Variants in ULK4 observed in about 807,000 individuals in gnomAD.
ULK4 encodes the protein inactive serine/threonine-protein kinase ULK4.
In ULK4, 133 loss-of-function variants were observed where a neutral mutation model predicts 160.6. That is an observed-to-expected ratio of 0.83 (90% confidence interval 0.72 to 0.96). ULK4 has a LOEUF of 0.96. Among genes scored for constraint, ULK4 ranks in the 40% least tolerant of loss-of-function variants. ULK4 has a pLI of 0.00. For missense variants in ULK4, 1,580 were observed against 1,499.5 expected (o/e 1.05, Z -0.89); for synonymous variants, 534 against 539.8 (o/e 0.99, Z 0.15).
chr3:41,534,499 A>G (rs2086425088), intron 32 of ULK4, among the ~76,000 whole-genome samples: 9 of 136,270 alleles, frequency 6.6e-5, no homozygotes, highest in Admixed American at 2.4e-4. Flanking sequence ...TTTCATTTAA[A>G]AGAGAAAATG....
At chr3:41,398,034 C>A (rs1344812271) in intron 35 of ULK4, 45 bp downstream of exon 35, 7 of 1,570,100 alleles carry the variant, frequency 4.5e-6, no homozygotes, top group Non-Finnish European at 6.0e-6. Context: ...CATGTCGCTG[C>A]CAGCAAAGCC....
chr3:41,258,996 A>C (rs2078892698), intron 35 of ULK4, among the ~76,000 whole-genome samples: 1 of 147,910 alleles, frequency 6.8e-6, no homozygotes, highest in Non-Finnish European at 1.5e-5. Flanking sequence ...ATATACATAT[A>C]TACATATGTA....
chr3:41,276,085 A>G (rs1368846109), intron 35 of ULK4, among the ~76,000 whole-genome samples: 2 of 152,226 alleles, frequency 1.3e-5, no homozygotes, highest in Admixed American at 1.3e-4. Context: ...AGAAGAGAAA[A>G]ATGAGCTAGA....
At chr3:41,662,968 C>T (rs2035230991) in intron 30 of ULK4, among the ~76,000 whole-genome samples, 1 of 151,710 alleles carries the variant, frequency 6.6e-6, no homozygotes, top group Non-Finnish European at 1.5e-5. Context: ...TGACTGTAAT[C>T]CCAGCACTTT....
chr3:41,546,399 T>C (rs1179622918), intron 32 of ULK4, among the ~76,000 whole-genome samples: 1 of 152,140 alleles, frequency 6.6e-6, no homozygotes, highest in Non-Finnish European at 1.5e-5. Context: ...TAGCCCTTAA[T>C]TTCAGGCTAG....
intron 2 of ULK4, among the ~76,000 whole-genome samples, chr3:41,946,356 G>A (rs888024622): frequency 6.6e-6 from 1 of 152,300 alleles, no homozygotes; most frequent in East Asian, 1.9e-4. Flanking sequence ...TACAATGATA[G>A]AAGTAAGAAC....
chr3:41,573,139 A>T (rs2088062057), intron 31 of ULK4, among the ~76,000 whole-genome samples: 1 of 152,254 alleles, frequency 6.6e-6, no homozygotes, highest in African/African-American at 2.4e-5. Context: ...GCCAGTAGAG[A>T]TCATTAGAAT....
At chr3:41,375,012 A>G (rs2081453129) in intron 35 of ULK4, among the ~76,000 whole-genome samples, 2 of 152,334 alleles carry the variant, frequency 1.3e-5, no homozygotes, top group South Asian at 2.1e-4. Context: ...GAGCCAAATC[A>G]TGAGCATACT....
At chr3:41,520,097 A>G (rs989403566) in intron 32 of ULK4, among the ~76,000 whole-genome samples, 1 of 152,210 alleles carries the variant, frequency 6.6e-6, no homozygotes, top group Non-Finnish European at 1.5e-5. Context: ...TTTTTTAAGT[A>G]TATAATTCAG....
chr3:41,584,059 G>GAATCAA (rs2030593669), intron 31 of ULK4, among the ~76,000 whole-genome samples: 1 of 152,046 alleles, frequency 6.6e-6, no homozygotes, highest in African/African-American at 2.4e-5. Flanking sequence ...TGGTTCTCTG[G>GAATCAA]GCCAAATCTT....
intron 35 of ULK4, chr3:41,258,335 G>T (rs925835867): frequency 3.3e-5 from 5 of 152,214 alleles, no homozygotes; most frequent in African/African-American, 1.2e-4. Context: ...TTTGAAGGAA[G>T]TAGGAGTCAA....
chr3:41,624,372 G>A (rs888737370), intron 30 of ULK4, among the ~76,000 whole-genome samples: 3 of 152,182 alleles, frequency 2.0e-5, no homozygotes, highest in Non-Finnish European at 2.9e-5. Context: ...GTACCTGGAC[G>A]ATCCAGAGCA....
chr3:41,473,270 G>A (rs2084040475), intron 32 of ULK4, among the ~76,000 whole-genome samples: 1 of 152,028 alleles, frequency 6.6e-6, no homozygotes, highest in Non-Finnish European at 1.5e-5. Flanking sequence ...AAAAGAAAAG[G>A]CATCCATAAA....
chr3:41,959,089 T>A lies in ULK4; in HGVS notation c.-49+2927A>T, dbSNP rs1700580505. ...CTAAAAATACAAAAATTAGGCCAGG[T>A]GCAGTGGCTTACGCCTGTAATCCCA... is the stretch of plus-strand genomic sequence containing the variant. On this transcript the variant is annotated intron_variant, in intron 1 of 36. Coordinates refer to ENST00000301831, the MANE Select transcript of ULK4 (RefSeq NM_017886.4). Among the ~76,000 whole-genome samples, 7 of 151,798 alleles carry A rather than the reference T, an allele frequency of 4.6e-5. No homozygotes were observed. The South Asian group carries it at 1.5e-3, about 32-fold the overall frequency.
At chr3:41,340,785 T>C (rs2125750227) in intron 35 of ULK4, among the ~76,000 whole-genome samples, 1 of 152,292 alleles carries the variant, frequency 6.6e-6, no homozygotes, top group Middle Eastern at 3.4e-3. Context: ...TTTAAAATGA[T>C]GTGAAAATAA....
chr3:41,498,389 T>G (rs1009041960), intron 32 of ULK4, among the ~76,000 whole-genome samples: 1 of 151,376 alleles, frequency 6.6e-6, no homozygotes, highest in Non-Finnish European at 1.5e-5. Context: ...TTAAAAAGAG[T>G]TGGGTAGCTT....
chr3:41,632,006 G>A (rs187192819), intron 30 of ULK4, among the ~76,000 whole-genome samples: 42 of 152,056 alleles, frequency 2.8e-4, no homozygotes, highest in Non-Finnish European at 3.8e-4. Context: ...TCTGAACCTC[G>A]TCGCTCTGCA....
chr3:41,835,717 C>A, intron 18 of ULK4, 147 bp downstream of exon 18: 1 of 529,356 alleles, frequency 1.9e-6, no homozygotes, highest in Non-Finnish European at 3.4e-6. Flanking sequence ...CTGACAAATT[C>A]TCTCCCCAAG....
At chr3:41,730,925 C>G (rs1328375988) in intron 22 of ULK4, among the ~76,000 whole-genome samples, 2 of 151,986 alleles carry the variant, frequency 1.3e-5, no homozygotes, top group Non-Finnish European at 2.9e-5. Context: ...AAATCAAGAA[C>G]AAAAACCATA....
Sources: allele counts gnomAD v4.1 joint callset (sites outside exome capture counted in the v4.1 genomes callset), GRCh38; gene constraint gnomAD v4.1.1; transcripts MANE v1.5; gene names NCBI Gene and HGNC (gene_info 2026-07-23, HGNC 2026-07-21).